Variants in DEAF1 observed in about 807,000 individuals in gnomAD.
DEAF1 encodes deformed epidermal autoregulatory factor 1 homolog.
DEAF1 carries 53 observed loss-of-function variants against 58.9 expected under a neutral mutation model. The observed-to-expected ratio is 0.90, with a 90% CI of 0.72 to 1.13. The LOEUF (loss-of-function observed/expected upper bound fraction) is 1.13, where lower values mean the gene tolerates loss of function less well. Ranked by LOEUF, DEAF1 falls within the 50% of genes most tolerant of loss-of-function variation. The pLI is 0.00. For missense variants in DEAF1, 685 were observed against 791.4 expected, an observed-to-expected ratio of 0.87 and a Z score of 1.61; for synonymous variants, 385 against 340.4, an observed-to-expected ratio of 1.13 and a Z score of -1.44.
intron 10 of DEAF1, among the ~76,000 whole-genome samples, chr11:666,873 C>CAAAAAAAAAAAAAAAAAAA (rs532628897): frequency 1.7e-5 from 1 of 60,260 alleles, no homozygotes; most frequent in African/African-American, 6.4e-5. Flanking sequence ...ACTCTGTCTC[C>CAAAAAAAAAAAAAAAAAAA]AAAAAAAAAA....
Position 646,966 on chromosome 11 carries a change from A to G in DEAF1, c.1594-2312T>C, listed in dbSNP as rs921787889. On this transcript the variant is annotated intron_variant, in intron 11 of 11. Coordinates refer to ENST00000382409, the MANE Select transcript of DEAF1 (RefSeq NM_021008.4). ...GGGGTTGGAGACCAGCCTGAGCAAC[A>G]TAGCAAAACCCTATCTCTATAAAAA... Among the ~76,000 whole-genome samples, 9 of 148,908 alleles carry G rather than the reference A, an allele frequency of 6.0e-5. No homozygotes were observed. In the Admixed American group the frequency reaches 6.2e-4, roughly 10 times the overall value.
chr11:656,864 ACTT>A (rs113625297), intron 10 of DEAF1, among the ~76,000 whole-genome samples: 3 of 150,626 alleles, frequency 2.0e-5, no homozygotes, highest in African/African-American at 7.3e-5. Context: ...CCTTTGCAAA[ACTT>A]TTTTTTTTTT....
chr11:694,863 C>A lies in DEAF1; in HGVS notation c.185G>T (p.Arg62Leu). The A allele has an allele frequency of 6.7e-6, 10 of 1,499,192 alleles. No homozygotes were observed. The highest frequency in any genetic ancestry group is 1.4e-5 in the African/African-American group (1 of 69,564). 92.9% of individuals were successfully genotyped at this position (1,499,192 alleles called of 1,614,324 possible). Residue 62 changes from arginine to leucine, a missense_variant, in exon 1 of 12, where the codon CGG becomes CTG. Physicochemically the swap from Arg to Leu is moderately radical, Grantham distance 102. Around this residue, in one of 3 missense-constraint regions of DEAF1, gnomAD observed 210 missense variants for 177.3 expected, o/e 1.18. Coordinates refer to ENST00000382409, the MANE Select transcript of DEAF1 (RefSeq NM_021008.4). ...CGCCATCACCGCCACTGCCGTGACC[C>A]GCGGCGTCTCCCGCTCCGCCTCCGA... ...ADSEAERETP[R>L]VTAVAVMAAE...
chr11:693,756 G>A (rs1384383217), intron 1 of DEAF1: 1 of 152,278 alleles, frequency 6.6e-6, no homozygotes, highest in Non-Finnish European at 1.5e-5. Flanking sequence ...CTCTGCCACG[G>A]GCTCCCAGTG....
intron 10 of DEAF1, among the ~76,000 whole-genome samples, chr11:660,696 T>G (rs981631306): frequency 6.6e-6 from 1 of 152,224 alleles, no homozygotes; most frequent in Non-Finnish European, 1.5e-5. Context: ...TGGAATCTGA[T>G]GTTTGATGCG....
At chr11:693,766 G>A (rs1860944369) in intron 1 of DEAF1, 2 of 152,318 alleles carry the variant, frequency 1.3e-5, no homozygotes, top group South Asian at 4.1e-4. Flanking sequence ...GGCTCCCAGT[G>A]TTTTGGAGCC....
Position 704,478 on chromosome 11 carries a change from A to G in DEAF1, c.-438+2094T>C, listed in dbSNP as rs115106075. ...AGCTGCAGGACAGCCCTGAGGACCC[A>G]CTTCACACACCAGCGCCTGAGCGCC... On this transcript the variant is annotated intron_variant, in intron 1 of 11. Coordinates refer to the DEAF1 transcript ENST00000683307. The G allele has an allele frequency of 1.7e-3, 2,188 of 1,289,062 alleles. 33 individuals carry two copies. In the African/African-American group the frequency reaches 0.03, roughly 18 times the overall value. 79.9% of individuals were successfully genotyped at this position (1,289,062 alleles called of 1,614,324 possible). A position where few individuals can be genotyped will look rare whatever the true frequency, so the allele number is the denominator to read the frequency against.
chr11:703,627 G>A, intron 1 of DEAF1: 1 of 1,232,822 alleles, frequency 8.1e-7, no homozygotes, highest in Non-Finnish European at 1.0e-6. Flanking sequence ...TTCCAAGTCG[G>A]GCTGGAGACG....
intron 8 of DEAF1, among the ~76,000 whole-genome samples, chr11:679,128 T>C (rs890453107): frequency 1.3e-5 from 2 of 151,916 alleles, no homozygotes; most frequent in African/African-American, 2.4e-5. Flanking sequence ...CTGGCTAACA[T>C]GGTGAAACGC....
At position 694,992 on chromosome 11, in the gene DEAF1, A is replaced by ACCGCCG. The variant is rs1564957147; in HGVS notation, c.50_55dup (p.Ala17_Ala18dup). On this transcript the variant is annotated inframe_insertion, in exon 1 of 12. Transcript: ENST00000382409. Reference sequence around the variant, plus strand: ...CGCCGCCACAGCGGCCGCGGCCGCCACCGCCGCCGCCTCAGCCAGGCCCAG... The same window carrying ACCGCCG: ...CGCCGCCACAGCGGCCGCGGCCGCCACCGCCGCCGCCGCCGCCTCAGCCAGGCCCAG... 2 of 1,061,060 alleles carry ACCGCCG rather than the reference A, an allele frequency of 1.9e-6. No individual in the cohort carries two copies. Among genetic ancestry groups the ACCGCCG allele is most frequent in the Non-Finnish European group, 2.3e-6 (2 of 872,352 alleles). The allele number at this position is 1,061,060 out of a possible 1,614,324, so 65.7% of individuals were successfully genotyped here. A position where few individuals can be genotyped will look rare whatever the true frequency, so the allele number is the denominator to read the frequency against.
At chr11:668,453 C>T (rs1859655156) in intron 10 of DEAF1, among the ~76,000 whole-genome samples, 1 of 152,110 alleles carries the variant, frequency 6.6e-6, no homozygotes, top group Non-Finnish European at 1.5e-5. Flanking sequence ...CATTCTGTTG[C>T]CCAGGCTGGA....
At chr11:671,219 C>T (rs999489789) in intron 10 of DEAF1, among the ~76,000 whole-genome samples, 37 of 150,902 alleles carry the variant, frequency 2.5e-4, no homozygotes, top group Non-Finnish European at 3.2e-4. Flanking sequence ...TGAGCCACCG[C>T]GCCTGGACTT....
At position 678,830 on chromosome 11, in the gene DEAF1, G is replaced by A. The variant is rs756734708; in HGVS notation, c.1127-8C>T. 1.9e-6 allele frequency: 3 copies of A among 1,613,480 alleles called. No homozygotes were observed. Among genetic ancestry groups the A allele is most frequent in the South Asian group, 2.2e-5 (2 of 91,052 alleles). ...GCACGCTGGCCTCTTGGACTGTTGG[G>A]GAGAAAAAGGACAGGGAGGCTCGGG... On this transcript the variant is annotated splice_region_variant and splice_polypyrimidine_tract_variant and intron_variant, in intron 8 of 11. Transcript: ENST00000382409.
chr11:670,567 T>C (rs1262629043), intron 10 of DEAF1, among the ~76,000 whole-genome samples: 1 of 151,598 alleles, frequency 6.6e-6, no homozygotes, highest in Non-Finnish European at 1.5e-5. Context: ...TACCAAAAAA[T>C]AGCTGGGCGT....
intron 10 of DEAF1, among the ~76,000 whole-genome samples, chr11:668,785 G>A (rs1859669930): frequency 6.6e-6 from 1 of 152,050 alleles, no homozygotes; most frequent in Non-Finnish European, 1.5e-5. Flanking sequence ...TCACACCTCT[G>A]TACTCCAGCC....
chr11:655,575 G>A (rs957606632), intron 10 of DEAF1, among the ~76,000 whole-genome samples: 8 of 152,164 alleles, frequency 5.3e-5, no homozygotes, highest in Non-Finnish European at 1.0e-4. Context: ...TGGGTGAGTG[G>A]CAGCGTCTGT....
At chr11:680,318 G>A (rs961449911) in intron 7 of DEAF1, among the ~76,000 whole-genome samples, 4 of 152,206 alleles carry the variant, frequency 2.6e-5, no homozygotes, top group Admixed American at 2.6e-4. Flanking sequence ...GCCTCAGGAA[G>A]GAGCTGACAG....
chr11:684,532 G>A (rs993497981), intron 6 of DEAF1, among the ~76,000 whole-genome samples: 1 of 152,220 alleles, frequency 6.6e-6, no homozygotes, highest in Non-Finnish European at 1.5e-5. Context: ...TAAGTTTACA[G>A]TAGCATTTTT....
intron 11 of DEAF1, among the ~76,000 whole-genome samples, chr11:651,948 T>G (rs1422685306): frequency 2.0e-5 from 3 of 152,158 alleles, no homozygotes; most frequent in Non-Finnish European, 4.4e-5. Context: ...CACTTCACTC[T>G]AAATAAGGGG....
Sources: gnomAD v4.1 joint callset for allele counts (sites outside exome capture counted in the v4.1 genomes callset) on GRCh38, gnomAD v4.1.1 for gene constraint, gnomAD v4.1.1 regional missense constraint, MANE v1.5 for transcripts, NCBI Gene and HGNC (gene_info 2026-07-23, HGNC 2026-07-21) for gene names.